TRPC1: variants seen among roughly 807,000 people sequenced by gnomAD.
TRPC1 encodes transient receptor potential cation channel subfamily C member 1.
Under a neutral mutation model 88.2 loss-of-function variants are expected in TRPC1, and 42 were observed. That is an observed-to-expected ratio of 0.48 (90% CI 0.37 to 0.62). TRPC1 has a LOEUF of 0.62. TRPC1 is among the 20% of genes least tolerant of loss of function. The pLI is 0.00. For synonymous variants in TRPC1, 288 were observed against 331.8 expected (o/e 0.87, Z 1.43); for missense variants, 699 against 957.3 (o/e 0.73, Z 3.56).
chr3:142,766,977 G>A (rs1935416643), intron 4 of TRPC1, among the ~76,000 whole-genome samples: 1 of 152,034 alleles, frequency 6.6e-6, no homozygotes, highest in Non-Finnish European at 1.5e-5. Context: ...GAAATCAGTT[G>A]TCAATTTTTA....
intron 4 of TRPC1, among the ~76,000 whole-genome samples, chr3:142,752,955 TAAC>T (rs1266289390): frequency 1.3e-5 from 2 of 152,198 alleles, no homozygotes; most frequent in African/African-American, 2.4e-5. Context: ...AGCTACAAAT[TAAC>T]AACATCTCAG....
intron 6 of TRPC1, among the ~76,000 whole-genome samples, chr3:142,783,787 ATAT>A (rs1207559430): frequency 1.3e-5 from 2 of 152,172 alleles, no homozygotes; most frequent in South Asian, 2.1e-4. Context: ...GGTTGACCAA[ATAT>A]TATTGTGGAT....
At chr3:142,757,695 G>A (rs1474062059) in intron 4 of TRPC1, among the ~76,000 whole-genome samples, 4 of 151,942 alleles carry the variant, frequency 2.6e-5, no homozygotes, top group Admixed American at 6.6e-5. Flanking sequence ...CCTAATGCAT[G>A]CGGGGCTTAA....
In TRPC1 at chr3:142,763,591, G is replaced by A. The variant is rs1935264746; in HGVS notation, c.633-14041G>A. 2.0e-5 allele frequency among the ~76,000 whole-genome samples: 3 copies of A among 151,888 alleles called. No homozygotes were observed. In the South Asian group the frequency reaches 6.2e-4, roughly 31 times the overall value. On this transcript the variant is annotated intron_variant, in intron 4 of 12. Transcript: ENST00000476941. The stretch of plus-strand genomic sequence containing the variant: ...TTATAAGTGAAATGGATTCCTTGAA[G>A]GCAGCATATAGTTGGGTCTTATTTC...
At chr3:142,735,940 C>G (rs1934119409) in intron 1 of TRPC1, among the ~76,000 whole-genome samples, 1 of 152,004 alleles carries the variant, frequency 6.6e-6, no homozygotes, top group African/African-American at 2.4e-5. Flanking sequence ...ATTACTAGAT[C>G]TCATTTTTAA....
At chr3:142,780,335 T>C (rs1247030442) in intron 5 of TRPC1, among the ~76,000 whole-genome samples, 1 of 152,178 alleles carries the variant, frequency 6.6e-6, no homozygotes, top group Admixed American at 6.5e-5. Context: ...ATGAGCACTT[T>C]AAATATGAAT....
At chr3:142,798,658 TAAA>T (rs570183320) in intron 9 of TRPC1, among the ~76,000 whole-genome samples, 1 of 152,154 alleles carries the variant, frequency 6.6e-6, no homozygotes, top group East Asian at 1.9e-4. Context: ...GAGATGAGGC[TAAA>T]AAAGACAGGC....
At chr3:142,733,454 G>A (rs980372350) in intron 1 of TRPC1, among the ~76,000 whole-genome samples, 4 of 152,198 alleles carry the variant, frequency 2.6e-5, no homozygotes, top group Admixed American at 2.6e-4. Flanking sequence ...AGAGGTTGCA[G>A]TGAGCCAAAT....
At chr3:142,756,540 T>C (rs1482629497) in intron 4 of TRPC1, among the ~76,000 whole-genome samples, 1 of 152,066 alleles carries the variant, frequency 6.6e-6, no homozygotes, top group Non-Finnish European at 1.5e-5. Context: ...TTTGTATTTT[T>C]AGTAGAGACG....
At chr3:142,733,751 A>C (rs12635435) in intron 1 of TRPC1, among the ~76,000 whole-genome samples, 1,836 of 152,342 alleles carry the variant, frequency 0.012, 48 homozygotes, top group East Asian at 0.089. Flanking sequence ...TAGAAATTAT[A>C]GCTAAAATAT....
chr3:142,761,648 G>A (rs890848723), intron 4 of TRPC1, among the ~76,000 whole-genome samples: 32 of 152,084 alleles, frequency 2.1e-4, no homozygotes, highest in African/African-American at 7.0e-4. Context: ...AGTAAGGTTG[G>A]TATTAGTTTT....
At chr3:142,742,109 G>A (rs1195990054) in intron 2 of TRPC1, among the ~76,000 whole-genome samples, 1 of 150,924 alleles carries the variant, frequency 6.6e-6, no homozygotes, top group Non-Finnish European at 1.5e-5. Context: ...GTTGCAGTGA[G>A]CCAAGATTGT....
At chr3:142,781,150 G>A in intron 6 of TRPC1, 121 bp downstream of exon 6, 1 of 728,840 alleles carries the variant, frequency 1.4e-6, no homozygotes. Context: ...TAAAAATTGT[G>A]TGTCTTGGGA....
At chr3:142,751,583 A>T (rs1212388454) in intron 4 of TRPC1, among the ~76,000 whole-genome samples, 1 of 152,208 alleles carries the variant, frequency 6.6e-6, no homozygotes, top group Admixed American at 6.5e-5. Context: ...GTGTGTGTGT[A>T]TGTAAATGGT....
chr3:142,776,340 T>C lies in TRPC1; in HGVS notation c.633-1292T>C, dbSNP rs937138836. On this transcript the variant is annotated intron_variant, in intron 4 of 12. Transcript: ENST00000476941. This position sits in a 1 kb window ranked among gnomAD's most constrained non-coding sequence, Gnocchi z 4.1. Reference sequence around the variant, plus strand: ...CTTACCTTATGTTTTATAATAAGCATGTATTTAAATTTATATTAAAAGAAA... The same window carrying C: ...CTTACCTTATGTTTTATAATAAGCACGTATTTAAATTTATATTAAAAGAAA... Among the ~76,000 whole-genome samples the C allele has an allele frequency of 6.6e-6, 1 of 152,098 alleles. No individual in the cohort carries two copies. Among genetic ancestry groups the C allele is most frequent in the Admixed American group, 6.5e-5 (1 of 15,278 alleles).
intron 4 of TRPC1, among the ~76,000 whole-genome samples, chr3:142,771,868 T>C (rs1443181016): frequency 6.6e-6 from 1 of 152,190 alleles, no homozygotes; most frequent in Non-Finnish European, 1.5e-5. Flanking sequence ...GCAATATATT[T>C]TGTGAGTTTT....
At chr3:142,791,191 ATTAAGT>A (rs750865443) in intron 8 of TRPC1, 33 bp downstream of exon 8, 1 of 1,564,090 alleles carries the variant, frequency 6.4e-7, no homozygotes, top group South Asian at 1.2e-5. Context: ...GAAGGCACAA[ATTAAGT>A]TTATTTTGGA....
rs1933572274 is a variant in TRPC1 at position 142,724,501 on chromosome 3, G to C, written c.-59G>C. On this transcript the variant is annotated 5_prime_UTR_variant, in exon 1 of 13. Coordinates refer to ENST00000476941, the MANE Select transcript of TRPC1 (RefSeq NM_001251845.2). This position sits in a 1 kb window ranked among gnomAD's most constrained non-coding sequence, Gnocchi z 5.6. ...GGGGCGTGGCTGGGGTCGGGGTCGG[G>C]GTCGGGGCCGGTGGGGGCCCCGCCC... 2.8e-6 allele frequency: 4 copies of C among 1,451,964 alleles called. No individual in the cohort carries two copies. The highest frequency in any genetic ancestry group is 3.6e-6 in the Non-Finnish European group (4 of 1,104,868). 89.9% of individuals were successfully genotyped at this position (1,451,964 alleles called of 1,614,324 possible).
At chr3:142,769,461 G>A (rs929818710) in intron 4 of TRPC1, among the ~76,000 whole-genome samples, 1 of 152,040 alleles carries the variant, frequency 6.6e-6, no homozygotes, top group Admixed American at 6.6e-5. Flanking sequence ...CAAAAGCATT[G>A]GGATTATAGC....
Sources: allele counts gnomAD v4.1 joint callset (sites outside exome capture counted in the v4.1 genomes callset), GRCh38; gene constraint gnomAD v4.1.1; non-coding constraint Gnocchi (gnomAD v3.1); transcripts MANE v1.5; gene names NCBI Gene and HGNC (gene_info 2026-07-23, HGNC 2026-07-21).